Variants in DGKI observed in about 807,000 individuals in gnomAD.
DGKI encodes the protein DAG kinase iota.
DGKI carries 55 observed loss-of-function variants against 147.5 expected under a neutral mutation model. The observed-to-expected ratio is 0.37, with a 90% CI of 0.30 to 0.47. The LOEUF is 0.47. Among genes scored for constraint, DGKI ranks in the 20% least tolerant of loss-of-function variants. The pLI, the probability that DGKI is intolerant of heterozygous loss-of-function variation, is 1.00. For synonymous variants in DGKI, 469 were observed against 477.1 expected, an observed-to-expected ratio of 0.98 and a Z score of 0.22; for missense variants, 1,007 against 1,323.8, an observed-to-expected ratio of 0.76 and a Z score of 3.71.
chr7:137,701,832 T>TA (rs914429674), intron 1 of DGKI, among the ~76,000 whole-genome samples: 17 of 151,424 alleles, frequency 1.1e-4, no homozygotes, highest in East Asian at 7.7e-4. Flanking sequence ...TATATAGCAA[T>TA]AAAAAAAACA....
chr7:137,579,502 T>A (rs942626106), intron 15 of DGKI, among the ~76,000 whole-genome samples: 1 of 151,598 alleles, frequency 6.6e-6, no homozygotes, highest in Non-Finnish European at 1.5e-5. Context: ...GACAAATAAT[T>A]TTTTAATTTA....
At chr7:137,576,194 C>A (rs192518486) in intron 17 of DGKI, among the ~76,000 whole-genome samples, 1 of 151,794 alleles carries the variant, frequency 6.6e-6, no homozygotes, top group Non-Finnish European at 1.5e-5. Flanking sequence ...CATGCCACCA[C>A]GCCTGCCTAA....
intron 27 of DGKI, among the ~76,000 whole-genome samples, chr7:137,453,685 C>G (rs1585129184): frequency 6.6e-6 from 1 of 152,042 alleles, no homozygotes; most frequent in Admixed American, 6.6e-5. Context: ...CATTCATGAC[C>G]AACAGAGGGA....
Position 137,391,250 on chromosome 7 carries a change from A to T in DGKI, c.3144T>A (p.Ile1048=). Residue 1048 remains isoleucine (I), a synonymous_variant, in exon 33 of 33, where the codon ATT becomes ATA. Coordinates refer to ENST00000614521, the MANE Select transcript of DGKI (RefSeq NM_001321708.2). ...CAGCAGTTTCCAGGTCCTCATGGCCAATGACCTTATAGTTCTGACGGCTTT... is the reference window on the plus strand; with the variant it reads ...CAGCAGTTTCCAGGTCCTCATGGCCTATGACCTTATAGTTCTGACGGCTTT... ...YLESRQNYKV[I]GHEDLETAV is the part of the protein sequence containing the mutation. The T allele has an allele frequency of 6.2e-7, 1 of 1,613,982 alleles. No individual in the cohort carries two copies. The highest frequency in any genetic ancestry group is 1.7e-4 in the Middle Eastern group (1 of 6,052).
At chr7:137,645,569 T>TA in intron 5 of DGKI, 32 bp from the exon 6 acceptor site, 2 of 1,578,922 alleles carry the variant, frequency 1.3e-6, no homozygotes, top group Non-Finnish European at 1.7e-6. Flanking sequence ...TGAATATTTT[T>TA]AAAAATTTAT....
chr7:137,552,100 G>C (rs1179741260), intron 20 of DGKI, among the ~76,000 whole-genome samples: 4 of 152,178 alleles, frequency 2.6e-5, no homozygotes, highest in African/African-American at 7.2e-5. Flanking sequence ...TTTTCTGCTA[G>C]TCCCAGTAAA....
intron 1 of DGKI, among the ~76,000 whole-genome samples, chr7:137,726,799 G>C (rs1174980353): frequency 6.6e-6 from 1 of 152,110 alleles, no homozygotes; most frequent in East Asian, 1.9e-4. Flanking sequence ...CTCTGCTATT[G>C]ATTATACAGA....
At chr7:137,676,223 C>T (rs927712087) in intron 3 of DGKI, among the ~76,000 whole-genome samples, 18 of 152,204 alleles carry the variant, frequency 1.2e-4, no homozygotes, top group Admixed American at 9.8e-4. Context: ...CCTAAACCAA[C>T]CAGCAGCAAC....
intron 19 of DGKI, among the ~76,000 whole-genome samples, chr7:137,555,174 A>C (rs966735885): frequency 6.7e-6 from 1 of 150,014 alleles, no homozygotes; most frequent in Non-Finnish European, 1.5e-5. Context: ...TCGGCCTCCC[A>C]AAGTGCTGGG....
intron 5 of DGKI, among the ~76,000 whole-genome samples, chr7:137,651,613 T>G (rs1007757248): frequency 6.6e-6 from 1 of 152,188 alleles, no homozygotes; most frequent in African/African-American, 2.4e-5. Context: ...TTAGGAGTTG[T>G]CAGCCCACAT....
intron 12 of DGKI, among the ~76,000 whole-genome samples, chr7:137,591,948 C>G (rs555447132): frequency 6.6e-6 from 1 of 152,140 alleles, no homozygotes; most frequent in African/African-American, 2.4e-5. Context: ...CTGTAAAGAA[C>G]AGTAAAAGCA....
At chr7:137,625,918 T>TGTGATTATGTGAAAA (rs1820921865) in intron 6 of DGKI, among the ~76,000 whole-genome samples, 2 of 152,264 alleles carry the variant, frequency 1.3e-5, no homozygotes, top group Non-Finnish European at 2.9e-5. Context: ...GCAACTCTTA[T>TGTGATTATGTGAAAA]GTGATTATGT....
intron 8 of DGKI, among the ~76,000 whole-genome samples, chr7:137,617,870 T>C (rs1820587472): frequency 6.6e-6 from 1 of 151,676 alleles, no homozygotes; most frequent in African/African-American, 2.4e-5. Flanking sequence ...AATGAAAATA[T>C]GAAGTAGCAG....
At chr7:137,480,957 C>A (rs1815351433) in intron 23 of DGKI, among the ~76,000 whole-genome samples, 1 of 152,136 alleles carries the variant, frequency 6.6e-6, no homozygotes, top group South Asian at 2.1e-4. Context: ...TCCATCCCTA[C>A]CTTTTCTTTT....
chr7:137,420,597 T>C (rs575124258), intron 28 of DGKI, among the ~76,000 whole-genome samples: 1 of 152,158 alleles, frequency 6.6e-6, no homozygotes, highest in East Asian at 1.9e-4. Context: ...GAAAACTGCT[T>C]TTCTGGAGGA....
Position 137,495,962 on chromosome 7 carries a change from C to T in DGKI, c.2249-8273G>A, listed in dbSNP as rs7341534. 2.2e-4 allele frequency among the ~76,000 whole-genome samples: 33 copies of T among 152,156 alleles called. 1 individual carries two copies. The highest frequency in any genetic ancestry group is 7.9e-4 in the African/African-American group (33 of 41,534). On this transcript the variant is annotated intron_variant, in intron 21 of 32. Coordinates refer to ENST00000614521, the MANE Select transcript of DGKI (RefSeq NM_001321708.2). ...ATAGTACTGGAAGTTGTAGCCACAG[C>T]AATCAGGCAAGAGAAAGAAATAAAA...
At chr7:137,401,815 T>C (rs964322548) in intron 30 of DGKI, among the ~76,000 whole-genome samples, 1 of 152,218 alleles carries the variant, frequency 6.6e-6, no homozygotes, top group Non-Finnish European at 1.5e-5. Context: ...ATTGAGGAGA[T>C]ATGGGTGCAG....
intron 28 of DGKI, among the ~76,000 whole-genome samples, chr7:137,419,549 G>A (rs945756443): frequency 2.0e-5 from 3 of 152,144 alleles, no homozygotes; most frequent in Admixed American, 2.0e-4. Context: ...GCAAAAAAAT[G>A]AAATTTAGTA....
At chr7:137,475,050 T>G (rs1222121813) in intron 23 of DGKI, among the ~76,000 whole-genome samples, 1 of 152,240 alleles carries the variant, frequency 6.6e-6, no homozygotes, top group African/African-American at 2.4e-5. Flanking sequence ...TATCTCATGT[T>G]AGGCAGCTGA....
Sources: gnomAD v4.1 joint callset for allele counts (sites outside exome capture counted in the v4.1 genomes callset) on GRCh38, gnomAD v4.1.1 for gene constraint, MANE v1.5 for transcripts, NCBI Gene and HGNC (gene_info 2026-07-23, HGNC 2026-07-21) for gene names.